The following SREBF2 variants were observed in gnomAD, a reference collection of about 807,000 sequenced individuals.
SREBF2 encodes sterol regulatory element binding transcription factor 2.
SREBF2 carries 55 observed loss-of-function variants against 113.1 expected under a neutral mutation model. That is an observed-to-expected ratio of 0.49 (90% CI 0.39 to 0.61). The LOEUF is 0.61. SREBF2 is among the 20% of genes least tolerant of loss of function. The pLI is 0.00. For missense variants in SREBF2, 1,349 were observed against 1,487.4 expected (o/e 0.91, Z 1.53); for synonymous variants, 593 against 605.7 (o/e 0.98, Z 0.31).
chr22:41,862,468 C>T (rs1349457225), intron 1 of SREBF2, among the ~76,000 whole-genome samples: 2 of 152,200 alleles, frequency 1.3e-5, no homozygotes, highest in African/African-American at 2.4e-5. Flanking sequence ...GGAGGCCTGT[C>T]TCTGGCCCTG....
At chr22:41,835,551 C>T (rs1207087429) in intron 1 of SREBF2, among the ~76,000 whole-genome samples, 1 of 152,138 alleles carries the variant, frequency 6.6e-6, no homozygotes, top group Non-Finnish European at 1.5e-5. Flanking sequence ...CTCAGGTGAT[C>T]CGCCCACCTT....
At chr22:41,874,429 A>G (rs1249070864) in intron 5 of SREBF2, among the ~76,000 whole-genome samples, 1 of 152,256 alleles carries the variant, frequency 6.6e-6, no homozygotes, top group African/African-American at 2.4e-5. Context: ...GTCTTTGACC[A>G]GCAACACATA....
intron 10 of SREBF2, 85 bp from the exon 11 acceptor site, chr22:41,884,757 C>G (rs1220735352): frequency 1.4e-6 from 2 of 1,473,642 alleles, no homozygotes; most frequent in Admixed American, 1.7e-5. Context: ...TGGTTCCTCT[C>G]TTACTTTGAT....
chr22:41,869,659 A>AT (rs1198083453), intron 3 of SREBF2, among the ~76,000 whole-genome samples: 1 of 147,800 alleles, frequency 6.8e-6, no homozygotes, highest in African/African-American at 2.5e-5. Flanking sequence ...AGTTTTTTGT[A>AT]TTTTTAGTAG....
At chr22:41,838,689 T>C (rs1273840378) in intron 1 of SREBF2, among the ~76,000 whole-genome samples, 1 of 152,104 alleles carries the variant, frequency 6.6e-6, no homozygotes, top group Non-Finnish European at 1.5e-5. Flanking sequence ...ACCCAGATTG[T>C]GCCACTGTAC....
At chr22:41,877,475 G>GA (rs2077207405) in intron 8 of SREBF2, 54 bp downstream of exon 8, 1 of 1,588,350 alleles carries the variant, frequency 6.3e-7, no homozygotes, top group South Asian at 1.1e-5. Context: ...TATGGCAGGA[G>GA]AAGGACCCTG....
rs2077475985 is a variant in SREBF2, at chr22:41,902,829, A to C, written c.2908-141A>C. On this transcript the variant is annotated intron_variant, in intron 16 of 18. Transcript: ENST00000361204. ...TGAGCTGTTCCCTCACGTCCTGCGG[A>C]GTTCACCAGACTCTGGGGCTCTCCA... 4 of 904,764 alleles carry C rather than the reference A, an allele frequency of 4.4e-6. No homozygotes were observed. The South Asian group carries it at 5.7e-5, about 13-fold the overall frequency. 56.0% of individuals were successfully genotyped at this position (904,764 alleles called of 1,614,324 possible).
At chr22:41,884,697 C>A in intron 10 of SREBF2, 145 bp from the exon 11 acceptor site, 2 of 832,072 alleles carry the variant, frequency 2.4e-6, no homozygotes, top group East Asian at 2.6e-5. Flanking sequence ...CCTGGCATCC[C>A]ATCCTGTGAT....
At position 41,845,364 on chromosome 22, in the gene SREBF2, C is replaced by T. The variant is rs564859952; in HGVS notation, c.88+12006C>T. On this transcript the variant is annotated intron_variant, in intron 1 of 18. Coordinates refer to ENST00000361204, the MANE Select transcript of SREBF2 (RefSeq NM_004599.4). ...ATTTTCTGATGTGGGATTCCATATTCTTCGCTGTCCTATGAAAATGAGGTG... is the reference window on the plus strand; with the variant it reads ...ATTTTCTGATGTGGGATTCCATATTTTTCGCTGTCCTATGAAAATGAGGTG... Among the ~76,000 whole-genome samples the T allele has an allele frequency of 2.6e-5, 4 of 152,302 alleles. No homozygotes were observed. The East Asian group carries it at 7.7e-4, about 29-fold the overall frequency.
chr22:41,867,167 A>C lies in SREBF2; in HGVS notation c.425A>C (p.Gln142Pro), dbSNP rs763160684. 1.2e-5 allele frequency: 20 copies of C among 1,613,978 alleles called. No individual in the cohort carries two copies. Among genetic ancestry groups the C allele is most frequent in the Non-Finnish European group, 1.6e-5 (19 of 1,180,034 alleles). ...QPRPQPQPQP[Q>P]TQLQQQTVMI... The stretch of plus-strand genomic sequence containing the variant: ...CGCCCCCAGCCCCAGCCTCAACCTC[A>C]AACTCAGCTGCAACAACAGACGGTA... The change falls in exon 2 of 19, where the codon CAA becomes CCA. Residue 142 changes from glutamine to proline, a missense_variant. Physicochemically the swap from Gln to Pro is moderately conservative, Grantham distance 76. Coordinates refer to ENST00000361204, the MANE Select transcript of SREBF2 (RefSeq NM_004599.4).
At chr22:41,898,393 C>T (rs1171111787) in intron 14 of SREBF2, among the ~76,000 whole-genome samples, 3 of 152,250 alleles carry the variant, frequency 2.0e-5, no homozygotes, top group Non-Finnish European at 2.9e-5. Context: ...GCTGGGATTA[C>T]AGGCGTGAGC....
At position 41,874,007 on chromosome 22, in the gene SREBF2, G is replaced by A; in HGVS notation, c.1077G>A (p.Gly359=). 1 of 1,614,138 alleles carries A rather than the reference G, an allele frequency of 6.2e-7. No homozygotes were observed. The highest frequency in any genetic ancestry group is 8.5e-7 in the Non-Finnish European group (1 of 1,180,018). Residue 359 remains glycine (G), a synonymous_variant, in exon 5 of 19, where the codon GGG becomes GGA. Transcript: ENST00000361204. The part of the protein sequence containing the change: ...KIIELKDLVM[G]TDAKMHKSGV... ...TCGAATTGAAAGACCTGGTCATGGG[G>A]ACAGACGCCAAGGTGGGTGCCAAGC...
intron 5 of SREBF2, 74 bp from the exon 6 acceptor site, chr22:41,875,263 G>A (rs184934853): frequency 2.4e-6 from 3 of 1,273,166 alleles, no homozygotes; most frequent in Admixed American, 3.7e-5. Context: ...GTCATCCCAA[G>A]TGCTAGGGCT....
At chr22:41,884,076 C>T (rs1211200185) in intron 10 of SREBF2, among the ~76,000 whole-genome samples, 1 of 152,142 alleles carries the variant, frequency 6.6e-6, no homozygotes, top group African/African-American at 2.4e-5. Flanking sequence ...GCTGTCCTTG[C>T]TCAGTTTACG....
rs1175394205 is a variant in SREBF2 at position 41,906,707 on chromosome 22, CTAAT to C, written c.*1053_*1056del. On this transcript the variant is annotated 3_prime_UTR_variant, in exon 19 of 19. Coordinates refer to ENST00000361204, the MANE Select transcript of SREBF2 (RefSeq NM_004599.4). ...GAGGCATATCTGTATATATTTAAACCTAATTAATTCTTGAGCTGAAAATAAATAA... is the reference window on the plus strand; with the variant it reads ...GAGGCATATCTGTATATATTTAAACCTAATTCTTGAGCTGAAAATAAATAA... 1 of 152,148 alleles carries C rather than the reference CTAAT, an allele frequency of 6.6e-6. No homozygotes were observed. The highest frequency in any genetic ancestry group is 2.4e-5 in the African/African-American group (1 of 41,412). The allele number at this position is 152,148 out of a possible 1,614,324, so 9.4% of individuals were successfully genotyped here.
At chr22:41,834,186 G>A (rs1322581877) in intron 1 of SREBF2, among the ~76,000 whole-genome samples, 1 of 152,122 alleles carries the variant, frequency 6.6e-6, no homozygotes, top group Non-Finnish European at 1.5e-5. Context: ...CACCCAGCTG[G>A]TTAGAGCCTA....
intron 1 of SREBF2, among the ~76,000 whole-genome samples, chr22:41,839,273 G>T (rs2076806129): frequency 6.6e-6 from 1 of 152,090 alleles, no homozygotes; most frequent in Non-Finnish European, 1.5e-5. Context: ...GGTGCCTGGG[G>T]GTCATCCATT....
intron 1 of SREBF2, among the ~76,000 whole-genome samples, chr22:41,860,766 G>A (rs138481326): frequency 6.6e-6 from 1 of 152,238 alleles, no homozygotes; most frequent in African/African-American, 2.4e-5. Context: ...CATGCTTGTA[G>A]TCCCAGCTAC....
At chr22:41,899,135 T>C (rs940042658) in intron 15 of SREBF2, 5 of 913,788 alleles carry the variant, frequency 5.5e-6, no homozygotes, top group Non-Finnish European at 7.3e-6. Context: ...CAGGCACTGG[T>C]GGTTCACAAT....
Sources: allele counts gnomAD v4.1 joint callset (sites outside exome capture counted in the v4.1 genomes callset), GRCh38; gene constraint gnomAD v4.1.1; transcripts MANE v1.5; gene names NCBI Gene and HGNC (gene_info 2026-07-23, HGNC 2026-07-21).